The following ZNF729 variants were observed in gnomAD, a reference collection of about 807,000 sequenced individuals.
ZNF729 encodes the protein zinc finger protein 729.
A neutral mutation model predicts 12.2 loss-of-function variants in ZNF729; 15 were observed. The ratio of observed to expected loss-of-function variants is 1.23; its 90% CI spans 0.82 to 1.89. The LOEUF (loss-of-function observed/expected upper bound fraction) is 1.89. Among genes scored for constraint, ZNF729 ranks in the 40% most tolerant of loss-of-function variants. The probability of loss-of-function intolerance (pLI) is 0.00; values close to 1 mark genes in which losing one functional copy is unlikely to be tolerated. For missense variants in ZNF729, 1,540 were observed against 1,456.7 expected, an observed-to-expected ratio of 1.06 and a Z score of -0.93; for synonymous variants, 492 against 476.3, an observed-to-expected ratio of 1.03 and a Z score of -0.43.
intron 1 of ZNF729, among the ~76,000 whole-genome samples, chr19:22,296,526 A>G (rs1968232405): frequency 6.6e-6 from 1 of 151,862 alleles, no homozygotes; most frequent in Admixed American, 6.6e-5. Context: ...TCATTAATCT[A>G]GCTATTTACC....
intron 1 of ZNF729, among the ~76,000 whole-genome samples, chr19:22,298,021 A>AAAAAAAAC (rs1568572566): frequency 6.7e-6 from 1 of 149,596 alleles, no homozygotes; most frequent in African/African-American, 2.5e-5. Flanking sequence ...AAAAAAAAAA[A>AAAAAAAAC]AAAAAACACA....
At chr19:22,303,970 G>T in intron 2 of ZNF729, 86 bp downstream of exon 2, 1 of 1,347,688 alleles carries the variant, frequency 7.4e-7, no homozygotes. Flanking sequence ...GGTGATTTAT[G>T]CTTACTATAA....
At chr19:22,307,836 A>G (rs1477618564) in intron 3 of ZNF729, among the ~76,000 whole-genome samples, 1 of 107,606 alleles carries the variant, frequency 9.3e-6, no homozygotes, top group Non-Finnish European at 1.8e-5. Flanking sequence ...TCTTTAAGTA[A>G]CCTGTATACT....
At chr19:22,303,381 T>C (rs1968338623) in intron 1 of ZNF729, among the ~76,000 whole-genome samples, 1 of 152,348 alleles carries the variant, frequency 6.6e-6, no homozygotes, top group East Asian at 1.9e-4. Flanking sequence ...ATTGTACACA[T>C]TAAAATTTGA....
intron 1 of ZNF729, among the ~76,000 whole-genome samples, chr19:22,300,387 T>C (rs1399065211): frequency 1.3e-5 from 2 of 152,234 alleles, no homozygotes; most frequent in Non-Finnish European, 2.9e-5. Flanking sequence ...AAAACAGTTT[T>C]ATGTCTGTTC....
In ZNF729 at chr19:22,313,805, A is replaced by G; in HGVS notation, c.388A>G (p.Asn130Asp). 1 of 1,596,532 alleles carries G rather than the reference A, an allele frequency of 6.3e-7. No individual in the cohort carries two copies. The highest frequency in any genetic ancestry group is 8.5e-7 in the Non-Finnish European group (1 of 1,172,812). ...ATTAAGAAAAGATTGTAAAAGTGCC[A>G]ATGAGGGTAAGATGCACAAAGAAGG... ...LRLRKDCKSANEGKMHKEGYN... is the reference protein window; with the variant it reads ...LRLRKDCKSADEGKMHKEGYN... The change falls in exon 4 of 4, where the codon AAT (asparagine) becomes GAT (aspartate). Residue 130 changes from asparagine (N) to aspartate (D), a missense_variant. Transcript: ENST00000601693.
In ZNF729 at chr19:22,316,038, A is replaced by G. The variant is rs1389911499; in HGVS notation, c.2621A>G (p.His874Arg). The change falls in exon 4 of 4, where the codon CAT (histidine) becomes CGT (arginine). Residue 874 changes from histidine (H) to arginine (R), a missense_variant. Coordinates refer to ENST00000601693, the MANE Select transcript of ZNF729 (RefSeq NM_001242680.2). The stretch of plus-strand genomic sequence containing the variant: ...TCCCTTAGAAAACATGAGATAATTC[A>G]TAGTGGAGAGAAACCATACAAATGT... The part of the protein sequence containing the change: ...SSSLRKHEII[H>R]SGEKPYKCEE... The G allele has an allele frequency of 1.2e-6, 2 of 1,610,750 alleles. No homozygotes were observed. Among genetic ancestry groups the G allele is most frequent in the South Asian group, 1.1e-5 (1 of 91,048 alleles).
Position 22,317,140 on chromosome 19 carries a change from AC to A in ZNF729, c.3726del (p.Tyr1243ThrfsTer?), listed in dbSNP as rs1382232169. ...ACAAAACAATTCATACTGGAGAGAAACCCTACAAATGTGAAGAATGTGCCAA... is the reference window on the plus strand; with the variant it reads ...ACAAAACAATTCATACTGGAGAGAAACCTACAAATGTGAAGAATGTGCCAA... The part of the protein sequence containing the change: ...LDKTIHTGEK[P>X]YKCEECAKAF On this transcript the variant is annotated frameshift_variant, in exon 4 of 4. Transcript: ENST00000601693. LOFTEE classifies it high-confidence loss of function. 1 of 1,601,038 alleles carries A rather than the reference AC, an allele frequency of 6.2e-7. No individual in the cohort carries two copies. Among genetic ancestry groups the A allele is most frequent in the Non-Finnish European group, 8.5e-7 (1 of 1,174,274 alleles).
intron 1 of ZNF729, among the ~76,000 whole-genome samples, chr19:22,293,408 A>T (rs1968181208): frequency 6.7e-6 from 1 of 150,206 alleles, no homozygotes; most frequent in South Asian, 2.1e-4. Flanking sequence ...CTGGTCTCAA[A>T]CTCCTGACCT....
chr19:22,302,771 T>TA (rs1302975118), intron 1 of ZNF729, among the ~76,000 whole-genome samples: 3 of 152,300 alleles, frequency 2.0e-5, no homozygotes, highest in African/African-American at 4.8e-5. Context: ...CCTGGAGTCT[T>TA]ACCTCACAGA....
intron 1 of ZNF729, among the ~76,000 whole-genome samples, chr19:22,292,773 A>G (rs572972572): frequency 2.4e-4 from 37 of 152,268 alleles, no homozygotes; most frequent in Non-Finnish European, 1.5e-5. Context: ...TTTACCATTG[A>G]TAGGCATTTA....
chr19:22,291,576 C>T (rs1367524865), intron 1 of ZNF729, among the ~76,000 whole-genome samples: 1 of 152,178 alleles, frequency 6.6e-6, no homozygotes, highest in East Asian at 1.9e-4. Flanking sequence ...TTTTCTCCAC[C>T]AACCTGGGGT....
At chr19:22,300,122 AG>A (rs1968285909) in intron 1 of ZNF729, among the ~76,000 whole-genome samples, 1 of 152,214 alleles carries the variant, frequency 6.6e-6, no homozygotes, top group African/African-American at 2.4e-5. Flanking sequence ...TACCTTCAGC[AG>A]GCACCTGGAT....
At chr19:22,310,080 C>T (rs1306394971) in intron 3 of ZNF729, among the ~76,000 whole-genome samples, 2 of 151,950 alleles carry the variant, frequency 1.3e-5, no homozygotes, top group Non-Finnish European at 2.9e-5. Context: ...GAAAGCTTTG[C>T]TGAATTATTT....
rs776702716 is a variant in ZNF729, at chr19:22,315,888, G to A, written c.2471G>A (p.Cys824Tyr). 2.6e-5 allele frequency: 41 copies of A among 1,604,892 alleles called. No homozygotes were observed. The South Asian group carries it at 3.9e-4, about 15-fold the overall frequency. ...GTAATTCATACTGGAGAGAAACCCT[G>A]CAAATGTGAAGAATGTGGCAAAGCT... is the stretch of plus-strand genomic sequence containing the variant. ...HKVIHTGEKP[C>Y]KCEECGKAFK... Residue 824 changes from cysteine to tyrosine, a missense_variant, in exon 4 of 4, where the codon TGC (cysteine) becomes TAC (tyrosine). Transcript: ENST00000601693.
chr19:22,308,732 C>A (rs1222587289), intron 3 of ZNF729, among the ~76,000 whole-genome samples: 1 of 151,478 alleles, frequency 6.6e-6, no homozygotes, highest in Non-Finnish European at 1.5e-5. Flanking sequence ...TTTTTTCTTG[C>A]TGATTTGTTT....
Position 22,315,544 on chromosome 19 carries a change from G to A in ZNF729, c.2127G>A (p.Glu709=). The stretch of plus-strand genomic sequence containing the variant: ...GACATAAGATAATTCATACTGGAGA[G>A]AAACCCTACAAATGTGAAGAATGTG... ...LRRHKIIHTG[E]KPYKCEECGK... The change falls in exon 4 of 4, where the codon GAG becomes GAA. Residue 709 remains glutamate (E), a synonymous_variant. Transcript: ENST00000601693. The A allele has an allele frequency of 6.2e-7, 1 of 1,611,106 alleles. No homozygotes were observed. The highest frequency in any genetic ancestry group is 8.5e-7 in the Non-Finnish European group (1 of 1,179,500).
intron 3 of ZNF729, among the ~76,000 whole-genome samples, chr19:22,308,902 TACAGAGAG>T (rs1968417032): frequency 6.6e-6 from 1 of 152,140 alleles, no homozygotes; most frequent in Non-Finnish European, 1.5e-5. Flanking sequence ...TTCCACAAGA[TACAGAGAG>T]AACCCTCCCT....
chr19:22,307,741 CAA>C (rs113645678), intron 3 of ZNF729, among the ~76,000 whole-genome samples: 25 of 64,228 alleles, frequency 3.9e-4, no homozygotes, highest in Non-Finnish European at 5.2e-4. Context: ...AAAACTCCAT[CAA>C]AAAAAAAAAA....
Sources: gnomAD v4.1 joint callset for allele counts (sites outside exome capture counted in the v4.1 genomes callset) on GRCh38, gnomAD v4.1.1 for gene constraint, MANE v1.5 for transcripts, NCBI Gene and HGNC (gene_info 2026-07-23, HGNC 2026-07-21) for gene names.